GABRA2: variants seen among roughly 807,000 people sequenced by gnomAD.
GABRA2 encodes the protein gamma-aminobutyric acid type A receptor subunit alpha2, also known as gamma-aminobutyric acid receptor subunit alpha-2.
In GABRA2, 16 loss-of-function variants were observed where a neutral mutation model predicts 48.7. That is an observed-to-expected ratio of 0.33 (90% confidence interval 0.22 to 0.50). The LOEUF (loss-of-function observed/expected upper bound fraction) is 0.50, where lower values mean the gene tolerates loss of function less well. GABRA2 is among the 20% of genes least tolerant of loss of function. The probability of loss-of-function intolerance (pLI) is 0.98; values close to 1 mark genes in which losing one functional copy is unlikely to be tolerated. For synonymous variants in GABRA2, 185 were observed against 184.5 expected (o/e 1.00, Z -0.02); for missense variants, 275 against 535.6 (o/e 0.51, Z 4.80).
At chr4:46,362,527 C>A (rs1299245631) in intron 3 of GABRA2, among the ~76,000 whole-genome samples, 1 of 152,086 alleles carries the variant, frequency 6.6e-6, no homozygotes, top group East Asian at 1.9e-4. Context: ...AAAAGAAACA[C>A]AAAAACTAAA....
chr4:46,257,270 G>A (rs558473788), intron 9 of GABRA2, among the ~76,000 whole-genome samples: 214 of 151,780 alleles, frequency 1.4e-3, no homozygotes, highest in Non-Finnish European at 2.4e-3. Flanking sequence ...TGTAAAATCA[G>A]ATAGATCTTA....
intron 8 of GABRA2, among the ~76,000 whole-genome samples, chr4:46,280,054 A>T (rs570168383): frequency 1.2e-4 from 18 of 149,390 alleles, no homozygotes; most frequent in Middle Eastern, 3.4e-3. Context: ...GTTTTTTTTT[A>T]AAAAATGAGA....
At chr4:46,306,030 A>G (rs1221195771) in intron 6 of GABRA2, among the ~76,000 whole-genome samples, 1 of 151,976 alleles carries the variant, frequency 6.6e-6, no homozygotes, top group Non-Finnish European at 1.5e-5. Flanking sequence ...CAAAGGTAGC[A>G]TATGAAGACA....
At chr4:46,285,733 T>C (rs1415505358) in intron 8 of GABRA2, among the ~76,000 whole-genome samples, 1 of 152,100 alleles carries the variant, frequency 6.6e-6, no homozygotes, top group Admixed American at 6.5e-5. Context: ...ACTATTTTTC[T>C]GTATTATTTG....
intron 8 of GABRA2, among the ~76,000 whole-genome samples, chr4:46,277,332 A>T (rs1444508971): frequency 6.6e-6 from 1 of 152,106 alleles, no homozygotes; most frequent in Non-Finnish European, 1.5e-5. Context: ...CTTGCATCTG[A>T]TTATCAAGTG....
intron 8 of GABRA2, among the ~76,000 whole-genome samples, chr4:46,300,015 C>A (rs561639405): frequency 1.3e-5 from 2 of 151,814 alleles, no homozygotes; most frequent in Admixed American, 6.6e-5. Context: ...AAGTAGTTCC[C>A]CATGTTGTTC....
intron 3 of GABRA2, among the ~76,000 whole-genome samples, chr4:46,338,677 C>T (rs888882470): frequency 6.6e-6 from 1 of 151,836 alleles, no homozygotes; most frequent in Non-Finnish European, 1.5e-5. Context: ...GCATTTAAGA[C>T]TGAAAATCTT....
At chr4:46,314,669 C>T (rs1728242567) in intron 4 of GABRA2, among the ~76,000 whole-genome samples, 1 of 151,996 alleles carries the variant, frequency 6.6e-6, no homozygotes, top group Non-Finnish European at 1.5e-5. Flanking sequence ...CAGTGTCTAT[C>T]GCTGTCATCT....
At chr4:46,295,199 G>A (rs917656501) in intron 8 of GABRA2, among the ~76,000 whole-genome samples, 2 of 152,224 alleles carry the variant, frequency 1.3e-5, no homozygotes, top group African/African-American at 4.8e-5. Context: ...AGAGAAGGGA[G>A]ATCTTTCCAG....
At chr4:46,383,169 C>T (rs940759061) in intron 3 of GABRA2, among the ~76,000 whole-genome samples, 1 of 152,038 alleles carries the variant, frequency 6.6e-6, no homozygotes, top group South Asian at 2.1e-4. Context: ...AAATGCCAGT[C>T]GCTATGCTAA....
At chr4:46,326,965 C>T (rs1213815111) in intron 4 of GABRA2, among the ~76,000 whole-genome samples, 2 of 151,948 alleles carry the variant, frequency 1.3e-5, no homozygotes, top group Admixed American at 6.6e-5. Flanking sequence ...TCTTCTTCCA[C>T]CCTTATATCC....
At chr4:46,272,994 C>G (rs1719642228) in intron 8 of GABRA2, among the ~76,000 whole-genome samples, 1 of 151,916 alleles carries the variant, frequency 6.6e-6, no homozygotes, top group African/African-American at 2.4e-5. Context: ...TTGCTGCACC[C>G]ATCAACCCAT....
intron 4 of GABRA2, among the ~76,000 whole-genome samples, chr4:46,316,064 T>C (rs1728507255): frequency 6.6e-6 from 1 of 151,906 alleles, no homozygotes; most frequent in Non-Finnish European, 1.5e-5. Flanking sequence ...TTGCTGAGGT[T>C]TACTCATGGC....
rs927450139 is a variant in GABRA2, at chr4:46,377,567, G to A, written c.187+8507C>T. Reference sequence around the variant, plus strand: ...CCACCCCGTCTGGGAAGTGAGGGGCGTCTCTGCCCGGCAGCCACCTCGTCC... The same window carrying A: ...CCACCCCGTCTGGGAAGTGAGGGGCATCTCTGCCCGGCAGCCACCTCGTCC... On this transcript the variant is annotated intron_variant, in intron 3 of 9. Transcript: ENST00000381620. 3.6e-4 allele frequency among the ~76,000 whole-genome samples: 54 copies of A among 151,480 alleles called. 1 individual carries two copies. The highest frequency in any genetic ancestry group is 6.8e-3 in the Middle Eastern group (2 of 292).
intron 3 of GABRA2, among the ~76,000 whole-genome samples, chr4:46,370,222 T>C (rs2109995880): frequency 6.6e-6 from 1 of 152,136 alleles, no homozygotes; most frequent in Non-Finnish European, 1.5e-5. Flanking sequence ...TTAAAATTTG[T>C]GAATAAACTA....
chr4:46,319,107 A>G (rs1287091971), intron 4 of GABRA2, among the ~76,000 whole-genome samples: 1 of 151,766 alleles, frequency 6.6e-6, no homozygotes, highest in Non-Finnish European at 1.5e-5. Flanking sequence ...TTGTCCTGGA[A>G]ACAAGGAAAT....
At chr4:46,348,773 T>G (rs1238588089) in intron 3 of GABRA2, among the ~76,000 whole-genome samples, 1 of 76,680 alleles carries the variant, frequency 1.3e-5, no homozygotes, top group Non-Finnish European at 2.4e-5. Context: ...CGGGGACTGT[T>G]GTGGGGTGGG....
At chr4:46,261,875 A>G in intron 9 of GABRA2, 51 bp downstream of exon 9, 1 of 1,400,784 alleles carries the variant, frequency 7.1e-7, no homozygotes, top group Non-Finnish European at 1.0e-6. Flanking sequence ...TTACAAGCGG[A>G]ATTCATTAGG....
At chr4:46,274,311 C>G (rs1450718992) in intron 8 of GABRA2, among the ~76,000 whole-genome samples, 1 of 152,092 alleles carries the variant, frequency 6.6e-6, no homozygotes, top group Non-Finnish European at 1.5e-5. Context: ...GAAGTCCACA[C>G]TCTTTACTGC....
Sources: gnomAD v4.1 joint callset for allele counts (sites outside exome capture counted in the v4.1 genomes callset) on GRCh38, gnomAD v4.1.1 for gene constraint, MANE v1.5 for transcripts, NCBI Gene and HGNC (gene_info 2026-07-23, HGNC 2026-07-21) for gene names.